The following LRRC3B variants were observed in gnomAD, a reference collection of about 807,000 sequenced individuals.
LRRC3B encodes the protein leucine rich repeat containing 3B.
LRRC3B carries 2 observed loss-of-function variants against 12.8 expected under a neutral mutation model. The ratio of observed to expected loss-of-function variants is 0.16; its 90% CI spans 0.06 to 0.49. The LOEUF (loss-of-function observed/expected upper bound fraction) is 0.49. LRRC3B is among the 20% of genes least tolerant of loss of function. LRRC3B has a pLI of 0.96. For synonymous variants in LRRC3B, 132 were observed against 122.0 expected (o/e 1.08, Z -0.54); for missense variants, 189 against 319.4 (o/e 0.59, Z 3.11).
intron 1 of LRRC3B, among the ~76,000 whole-genome samples, chr3:26,677,845 G>A (rs1204700601): frequency 6.6e-6 from 1 of 152,062 alleles, no homozygotes. Context: ...CTGTCATCCA[G>A]GCTGGAGTGC....
chr3:26,630,932 C>A (rs1698744253), intron 1 of LRRC3B, among the ~76,000 whole-genome samples: 1 of 152,174 alleles, frequency 6.6e-6, no homozygotes, highest in South Asian at 2.1e-4. Flanking sequence ...AATGGTAATA[C>A]AGCTGCTTTA....
At chr3:26,702,870 G>A (rs1700492249) in intron 1 of LRRC3B, among the ~76,000 whole-genome samples, 1 of 152,136 alleles carries the variant, frequency 6.6e-6, no homozygotes. Flanking sequence ...AGGGAAGACA[G>A]GGTGGTCTAC....
intron 1 of LRRC3B, among the ~76,000 whole-genome samples, chr3:26,645,701 G>A (rs1232262050): frequency 1.3e-5 from 2 of 151,922 alleles, no homozygotes; most frequent in Admixed American, 6.6e-5. Context: ...GGAGTGTGAG[G>A]GATAGAAAAT....
intron 1 of LRRC3B, among the ~76,000 whole-genome samples, chr3:26,689,292 C>T (rs1700144821): frequency 6.6e-6 from 1 of 152,018 alleles, no homozygotes; most frequent in Admixed American, 6.5e-5. Flanking sequence ...AATATTTTAC[C>T]CTCATGTTTT....
intron 1 of LRRC3B, among the ~76,000 whole-genome samples, chr3:26,682,555 T>C (rs1163552102): frequency 6.6e-6 from 1 of 152,222 alleles, no homozygotes; most frequent in Non-Finnish European, 1.5e-5. Flanking sequence ...GGAAGATCTA[T>C]TTATTTTCCC....
chr3:26,699,297 T>C (rs73150441), intron 1 of LRRC3B, among the ~76,000 whole-genome samples: 2 of 152,198 alleles, frequency 1.3e-5, no homozygotes, highest in Non-Finnish European at 2.9e-5. Flanking sequence ...TAATCATCTT[T>C]GAATGGTCAT....
intron 1 of LRRC3B, among the ~76,000 whole-genome samples, chr3:26,655,046 T>C (rs13064770): frequency 0.41 from 62,089 of 151,802 alleles, 13,238 homozygotes; most frequent in Middle Eastern, 0.5. Flanking sequence ...ATCAATCTAC[T>C]TATTTAGCTA....
intron 1 of LRRC3B, among the ~76,000 whole-genome samples, chr3:26,708,858 G>A (rs767735656): frequency 2.0e-5 from 3 of 152,124 alleles, no homozygotes; most frequent in Non-Finnish European, 4.4e-5. Flanking sequence ...AGAAAAGAGA[G>A]AGAAGATCCT....
chr3:26,707,807 A>G (rs960065622), intron 1 of LRRC3B, among the ~76,000 whole-genome samples: 1 of 151,496 alleles, frequency 6.6e-6, no homozygotes, highest in African/African-American at 2.4e-5. Flanking sequence ...CTAGATTCCT[A>G]GAGTCCCCAA....
intron 1 of LRRC3B, among the ~76,000 whole-genome samples, chr3:26,646,611 A>C (rs796487860): frequency 0.063 from 3,962 of 62,804 alleles, 330 homozygotes; most frequent in African/African-American, 0.15. Context: ...AAAAAAAAAA[A>C]AAAAAAAAAA....
chr3:26,697,812 T>C (rs1221673771), intron 1 of LRRC3B, among the ~76,000 whole-genome samples: 1 of 152,132 alleles, frequency 6.6e-6, no homozygotes, highest in Non-Finnish European at 1.5e-5. Context: ...AAAATTTCTT[T>C]CTATTTTTAA....
chr3:26,694,317 C>T (rs1700256396), intron 1 of LRRC3B, among the ~76,000 whole-genome samples: 1 of 152,176 alleles, frequency 6.6e-6, no homozygotes, highest in African/African-American at 2.4e-5. Flanking sequence ...ATATTTGGGA[C>T]AATCTGGGTT....
chr3:26,668,117 C>G (rs1046585723), intron 1 of LRRC3B, among the ~76,000 whole-genome samples: 1 of 151,104 alleles, frequency 6.6e-6, no homozygotes, highest in Non-Finnish European at 1.5e-5. Context: ...TGAGTTTGCT[C>G]TCTTTGTAAT....
intron 1 of LRRC3B, among the ~76,000 whole-genome samples, chr3:26,700,763 C>A (rs1237474271): frequency 6.6e-6 from 1 of 152,124 alleles, no homozygotes. Flanking sequence ...CATGTTTGAT[C>A]ACACATGCTC....
intron 1 of LRRC3B, among the ~76,000 whole-genome samples, chr3:26,653,149 T>C (rs551760025): frequency 1.4e-3 from 202 of 146,848 alleles, no homozygotes; most frequent in African/African-American, 4.7e-3. Context: ...GTGCTAAAGA[T>C]GAGGAAACAA....
chr3:26,634,684 T>A (rs1698828663), intron 1 of LRRC3B, among the ~76,000 whole-genome samples: 1 of 152,236 alleles, frequency 6.6e-6, no homozygotes, highest in African/African-American at 2.4e-5. Flanking sequence ...CACTTGCATT[T>A]GCGTAATTTC....
chr3:26,708,784 T>C lies in LRRC3B; in HGVS notation c.-160-729T>C, dbSNP rs547662395. Among the ~76,000 whole-genome samples the C allele has an allele frequency of 7.2e-5, 11 of 152,286 alleles. No individual in the cohort carries two copies. The South Asian group carries it at 2.1e-3, about 29-fold the overall frequency. ...ACAGTATTTCTTAATTCTCTTGTTA[T>C]ATAAAAAAGTCATGGAGGTGTGTGC... On this transcript the variant is annotated intron_variant, in intron 1 of 1. Coordinates refer to ENST00000396641, the Ensembl canonical transcript of LRRC3B.
At chr3:26,635,352 TCAAAGTCCTAACC>T (rs1156478999) in intron 1 of LRRC3B, among the ~76,000 whole-genome samples, 1 of 152,176 alleles carries the variant, frequency 6.6e-6, no homozygotes, top group Non-Finnish European at 1.5e-5. Context: ...TAAGGAGGTA[TCAAAGTCCTAACC>T]CCCAATGTGA....
At chr3:26,685,268 G>A (rs1027133963) in intron 1 of LRRC3B, among the ~76,000 whole-genome samples, 1 of 151,284 alleles carries the variant, frequency 6.6e-6, no homozygotes, top group Non-Finnish European at 1.5e-5. Context: ...GGGGGTTATT[G>A]TTGTTGTTTT....
Sources: gnomAD v4.1 joint callset for allele counts (sites outside exome capture counted in the v4.1 genomes callset) on GRCh38, gnomAD v4.1.1 for gene constraint, MANE v1.5 for transcripts, NCBI Gene and HGNC (gene_info 2026-07-23, HGNC 2026-07-21) for gene names.